Variants in CELSR3 observed in about 807,000 individuals in gnomAD.
CELSR3 encodes cadherin EGF LAG seven-pass G-type receptor 3, also known as EGF-like protein 1.
CELSR3 carries 73 observed loss-of-function variants against 270.0 expected under a neutral mutation model. The ratio of observed to expected loss-of-function variants is 0.27; its 90% confidence interval spans 0.22 to 0.33. CELSR3 has a LOEUF of 0.33. Among genes scored for constraint, CELSR3 ranks in the 10% least tolerant of loss-of-function variants. The pLI is 1.00. For missense variants in CELSR3, 3,614 were observed against 4,533.8 expected (o/e 0.80, Z 5.83); for synonymous variants, 1,780 against 1,905.4 (o/e 0.93, Z 1.71).
chr3:48,642,294 GAAGAA>G lies in CELSR3; in HGVS notation c.8665+59_8665+63del. On this transcript the variant is annotated intron_variant, in intron 31 of 34. Transcript: ENST00000164024. This position sits in a 1 kb window ranked among gnomAD's most constrained non-coding sequence, Gnocchi z 6.1. ...CAGCCACTGCTCCCAGTATGGGGTA[GAAGAA>G]AAGGGGATGGGGAGAGATCCTCTGC... 1 of 1,533,494 alleles carries G rather than the reference GAAGAA, an allele frequency of 6.5e-7. No homozygotes were observed. Among genetic ancestry groups the G allele is most frequent in the Non-Finnish European group, 8.9e-7 (1 of 1,127,878 alleles). The allele number at this position is 1,533,494 out of a possible 1,614,324, so 95.0% of individuals were successfully genotyped here.
At position 48,640,031 on chromosome 3, in the gene CELSR3, AG is replaced by A; in HGVS notation, c.9553del (p.Leu3185SerfsTer139). ...SPQRQLSRDP[L>X]LPSRPLDSLS... ...AGAGTCCAGCGGCCGGGATGGCAAG[AG>A]GGGGTCCCTTGAGAGTTGCCGCTGG... On this transcript the variant is annotated frameshift_variant, in exon 34 of 35. Coordinates refer to ENST00000164024, the MANE Select transcript of CELSR3 (RefSeq NM_001407.3). LOFTEE classifies it high-confidence loss of function. The surrounding 1 kb of genome is among the most constrained non-coding windows in gnomAD (Gnocchi z 7.5). 6.2e-7 allele frequency: 1 copy of A among 1,611,412 alleles called. No homozygotes were observed. Among genetic ancestry groups the A allele is most frequent in the Non-Finnish European group, 8.5e-7 (1 of 1,179,766 alleles).
At position 48,651,285 on chromosome 3, in the gene CELSR3, C is replaced by T. The variant is rs1394337600; in HGVS notation, c.6186+74G>A. 3 of 1,590,098 alleles carry T rather than the reference C, an allele frequency of 1.9e-6. No individual in the cohort carries two copies. The highest frequency in any genetic ancestry group is 1.3e-5 in the African/African-American group (1 of 74,770). On this transcript the variant is annotated intron_variant, in intron 14 of 34. Transcript: ENST00000164024. The surrounding 1 kb of genome is among the most constrained non-coding windows in gnomAD (Gnocchi z 7.4). ...AGAGGTTAGGGCCCAAGTCAGGTGG[C>T]GGAGGTCAGCAAGCTGGACAGGAAT... is the stretch of plus-strand genomic sequence containing the variant.
rs2106701833 is a variant in CELSR3 at position 48,644,434 on chromosome 3, A to G, written c.8086-139T>C. 2.6e-6 allele frequency: 2 copies of G among 759,418 alleles called. No individual in the cohort carries two copies. Among genetic ancestry groups the G allele is most frequent in the Non-Finnish European group, 4.4e-6 (2 of 453,048 alleles). 47.0% of individuals were successfully genotyped at this position (759,418 alleles called of 1,614,324 possible). On this transcript the variant is annotated intron_variant, in intron 26 of 34. Coordinates refer to ENST00000164024, the MANE Select transcript of CELSR3 (RefSeq NM_001407.3). This position sits in a 1 kb window ranked among gnomAD's most constrained non-coding sequence, Gnocchi z 4.8. ...AAATTCACACATATACACACACACC[A>G]AAGGAGCTTAGCATCACAGAAAAAG...
intron 19 of CELSR3, 39 bp downstream of exon 19, chr3:48,648,227 C>T (rs73078348): frequency 0.02 from 31,157 of 1,544,924 alleles, 748 homozygotes; most frequent in Non-Finnish European, 0.022. Context: ...CTTTCATGGC[C>T]CCCCTGCTGT....
At position 48,658,809 on chromosome 3, in the gene CELSR3, G is replaced by A. The variant is rs1401216043; in HGVS notation, c.3748+78C>T. The A allele has an allele frequency of 1.2e-5, 19 of 1,538,082 alleles. No homozygotes were observed. The highest frequency in any genetic ancestry group is 1.5e-5 in the Non-Finnish European group (17 of 1,133,566). On this transcript the variant is annotated intron_variant, in intron 1 of 34. Coordinates refer to ENST00000164024, the MANE Select transcript of CELSR3 (RefSeq NM_001407.3). The surrounding 1 kb of genome is among the most constrained non-coding windows in gnomAD (Gnocchi z 4.7). Reference sequence around the variant, plus strand: ...TGGAAGGCTTAGAAATCCCTCTTTGGTTTGAGGTGCCCTGTGGAGTCCCTG... The same window carrying A: ...TGGAAGGCTTAGAAATCCCTCTTTGATTTGAGGTGCCCTGTGGAGTCCCTG...
Position 48,660,180 on chromosome 3 carries a change from G to T in CELSR3, c.2455C>A (p.Leu819Met). Residue 819 changes from leucine to methionine, a missense_variant, in exon 1 of 35, where the codon CTG becomes ATG. Leu to Met is a conservative substitution (Grantham distance 15, BLOSUM62 2). Around this residue, in one of 7 missense-constraint regions of CELSR3, gnomAD observed 215 missense variants for 241.2 expected, o/e 0.89. Coordinates refer to ENST00000164024, the MANE Select transcript of CELSR3 (RefSeq NM_001407.3). The surrounding 1 kb of genome is among the most constrained non-coding windows in gnomAD (Gnocchi z 5.5). ...GVGLVTLALPLDYKQERYFKL... is the reference protein window; with the variant it reads ...GVGLVTLALPMDYKQERYFKL... Reference sequence around the variant, plus strand: ...AAGTAGCGTTCCTGCTTGTAGTCCAGTGGCAGAGCCAGAGTCACCAGACCC... The same window carrying T: ...AAGTAGCGTTCCTGCTTGTAGTCCATTGGCAGAGCCAGAGTCACCAGACCC... 1.2e-6 allele frequency: 2 copies of T among 1,614,094 alleles called. No homozygotes were observed. The highest frequency in any genetic ancestry group is 1.7e-6 in the Non-Finnish European group (2 of 1,180,028).
Position 48,654,358 on chromosome 3 carries a change from G to T in CELSR3, c.5083C>A (p.Arg1695=), listed in dbSNP as rs867726772. ...VSHKDFIGCM[R]DLHIDGRRVD... Reference sequence around the variant, plus strand: ...CGGCGGCCATCAATGTGCAGGTCCCGCATACAGCCGATGAAGTCCTTATGG... The same window carrying T: ...CGGCGGCCATCAATGTGCAGGTCCCTCATACAGCCGATGAAGTCCTTATGG... Residue 1695 remains arginine (R), a synonymous_variant, in exon 7 of 35, where the codon CGG becomes AGG. Transcript: ENST00000164024. This position sits in a 1 kb window ranked among gnomAD's most constrained non-coding sequence, Gnocchi z 5.4. The T allele has an allele frequency of 6.2e-7, 1 of 1,614,006 alleles. No individual in the cohort carries two copies. Among genetic ancestry groups the T allele is most frequent in the East Asian group, 2.2e-5 (1 of 44,882 alleles).
Position 48,655,500 on chromosome 3 carries a change from A to G in CELSR3, c.4742-106T>C, listed in dbSNP as rs1381546832. 1 of 1,168,420 alleles carries G rather than the reference A, an allele frequency of 8.6e-7. No homozygotes were observed. Among genetic ancestry groups the G allele is most frequent in the African/African-American group, 1.5e-5 (1 of 66,262 alleles). 72.4% of individuals were successfully genotyped at this position (1,168,420 alleles called of 1,614,324 possible). The stretch of plus-strand genomic sequence containing the variant: ...AGGGCCACCCTGGATGCATCAGATC[A>G]GTCCCCCCACTGGTGACCACAATGG... On this transcript the variant is annotated intron_variant, in intron 4 of 34. Coordinates refer to ENST00000164024, the MANE Select transcript of CELSR3 (RefSeq NM_001407.3). The surrounding 1 kb of genome is among the most constrained non-coding windows in gnomAD (Gnocchi z 5.8).
chr3:48,661,593 C>A lies in CELSR3; in HGVS notation c.1042G>T (p.Val348Phe). The change falls in exon 1 of 35, where the codon GTT (valine) becomes TTT (phenylalanine). Residue 348 changes from valine to phenylalanine, a missense_variant. Physicochemically the swap from Val to Phe is conservative, Grantham distance 50. This residue lies in a region of CELSR3 where 354 missense variants were observed against 500.9 expected (regional missense o/e 0.71). Coordinates refer to ENST00000164024, the MANE Select transcript of CELSR3 (RefSeq NM_001407.3). ...EAAGTAVLRV[V>F]AQDPDAGEAG... ...TCGCCGGCGTCCGGGTCCTGAGCAA[C>A]CACGCGTAGCACCGCGGTGCCTGCT... 6.2e-7 allele frequency: 1 copy of A among 1,609,890 alleles called. No homozygotes were observed. Among genetic ancestry groups the A allele is most frequent in the East Asian group, 2.2e-5 (1 of 44,850 alleles).
Position 48,654,871 on chromosome 3 carries a change from G to T in CELSR3, c.4988+173C>A, listed in dbSNP as rs1315849286. On this transcript the variant is annotated intron_variant, in intron 6 of 34. Coordinates refer to ENST00000164024, the MANE Select transcript of CELSR3 (RefSeq NM_001407.3). This position sits in a 1 kb window ranked among gnomAD's most constrained non-coding sequence, Gnocchi z 5.4. ...GGAGGGAGTATGGGGTGGAATACAG[G>T]ATTGGGGGCTAGGGTGAGTAGGCTT... 1.3e-5 allele frequency among the ~76,000 whole-genome samples: 2 copies of T among 151,744 alleles called. No individual in the cohort carries two copies. Among genetic ancestry groups the T allele is most frequent in the African/African-American group, 4.9e-5 (2 of 41,232 alleles).
At position 48,654,539 on chromosome 3, in the gene CELSR3, C is replaced by A. The variant is rs911994384; in HGVS notation, c.4989-87G>T. On this transcript the variant is annotated intron_variant, in intron 6 of 34. Transcript: ENST00000164024. The surrounding 1 kb of genome is among the most constrained non-coding windows in gnomAD (Gnocchi z 5.4). ...GGCCACAGGAAGCAGGGGGGTAGGA[C>A]CCAGAGGGTAGGGTGATTGAGGGAG... 1.7e-6 allele frequency: 2 copies of A among 1,158,864 alleles called. No homozygotes were observed. The highest frequency in any genetic ancestry group is 2.6e-5 in the Admixed American group (1 of 38,584). 71.8% of individuals were successfully genotyped at this position (1,158,864 alleles called of 1,614,324 possible).
Position 48,660,151 on chromosome 3 carries a change from C to A in CELSR3, c.2484G>T (p.Lys828Asn), listed in dbSNP as rs1242986762. The change falls in exon 1 of 35, where the codon AAG (lysine) becomes AAT (asparagine). Residue 828 changes from lysine to asparagine, a missense_variant. Coordinates refer to ENST00000164024, the MANE Select transcript of CELSR3 (RefSeq NM_001407.3). This position sits in a 1 kb window ranked among gnomAD's most constrained non-coding sequence, Gnocchi z 5.5. ...CACGGTCAGATGCAGTTAGTACCAG[C>A]TTGAAGTAGCGTTCCTGCTTGTAGT... is the stretch of plus-strand genomic sequence containing the variant. ...PLDYKQERYF[K>N]LVLTASDRAL... The A allele has an allele frequency of 3.1e-6, 5 of 1,614,166 alleles. No homozygotes were observed. Among genetic ancestry groups the A allele is most frequent in the Non-Finnish European group, 8.5e-7 (1 of 1,180,022 alleles).
rs1188289151 is a variant in CELSR3 at position 48,644,890 on chromosome 3, A to G, written c.7973-62T>C. The G allele has an allele frequency of 2.0e-6, 3 of 1,536,554 alleles. No homozygotes were observed. The highest frequency in any genetic ancestry group is 2.7e-6 in the Non-Finnish European group (3 of 1,116,910). On this transcript the variant is annotated intron_variant, in intron 25 of 34. Coordinates refer to ENST00000164024, the MANE Select transcript of CELSR3 (RefSeq NM_001407.3). This position sits in a 1 kb window ranked among gnomAD's most constrained non-coding sequence, Gnocchi z 4.8. ...TCCAGAGCTGCTGACCAGCCCATGT[A>G]TGGGAGAAAGCATGGGTGAGGGCAG... is the stretch of plus-strand genomic sequence containing the variant.
rs1009674115 is a variant in CELSR3, at chr3:48,650,114, A to G, written c.6472+366T>C. 6.6e-6 allele frequency among the ~76,000 whole-genome samples: 1 copy of G among 151,586 alleles called. No individual in the cohort carries two copies. Among genetic ancestry groups the G allele is most frequent in the East Asian group, 2.0e-4 (1 of 5,126 alleles). ...GGAGGGGTCTCTGAGGATCTCAGGC[A>G]TCAGAGAAGGGCCCCTGGGGTACTC... On this transcript the variant is annotated intron_variant, in intron 16 of 34. Transcript: ENST00000164024. The surrounding 1 kb of genome is among the most constrained non-coding windows in gnomAD (Gnocchi z 5.1).
intron 3 of CELSR3, 25 bp downstream of exon 3, chr3:48,656,115 G>A (rs1195423536): frequency 1.3e-6 from 2 of 1,529,162 alleles, no homozygotes. Context: ...GCGGGGAGGC[G>A]CTCAGACACG....
rs369735159 is a variant in CELSR3, at chr3:48,662,515, C to T, written c.120G>A (p.Gln40=). The change falls in exon 1 of 35, where the codon CAG becomes CAA. Residue 40 remains glutamine (Q), a synonymous_variant. Transcript: ENST00000164024. The surrounding 1 kb of genome is among the most constrained non-coding windows in gnomAD (Gnocchi z 7.1). The stretch of plus-strand genomic sequence containing the variant: ...TGGCAGCTAAGCCTGGGTCCCAGCC[C>T]TGGTGCCCACCGCCCCCCAGCTCCT... ...SQEELGGGGH[Q]GWDPGLAATT... 9 of 1,610,088 alleles carry T rather than the reference C, an allele frequency of 5.6e-6. No homozygotes were observed. The highest frequency in any genetic ancestry group is 4.0e-5 in the African/African-American group (3 of 74,844).
intron 2 of CELSR3, 109 bp from the exon 3 acceptor site, chr3:48,656,474 G>T: frequency 8.6e-7 from 1 of 1,167,148 alleles, no homozygotes; most frequent in Non-Finnish European, 1.1e-6. Flanking sequence ...CCGAAAGGTC[G>T]CCCTCTTCGG....
rs550478309 is a variant in CELSR3, at chr3:48,662,155, T to G, written c.480A>C (p.Ser160=). The G allele has an allele frequency of 6.2e-7, 1 of 1,612,832 alleles. No homozygotes were observed. Among genetic ancestry groups the G allele is most frequent in the South Asian group, 1.1e-5 (1 of 90,986 alleles). ...AGCTGTTCCCCGAGCCCGGGACCCC[T>G]GAGGACAGAGCCCCTGGTGACAGAC... ...RGSLSPGALS[S]GVPGSGNSSP... The change falls in exon 1 of 35, where the codon TCA becomes TCC. Residue 160 remains serine (S), a synonymous_variant. Transcript: ENST00000164024. This position sits in a 1 kb window ranked among gnomAD's most constrained non-coding sequence, Gnocchi z 7.1.
chr3:48,654,271 T>G lies in CELSR3; in HGVS notation c.5152+18A>C, dbSNP rs1445893098. On this transcript the variant is annotated intron_variant, in intron 7 of 34. Coordinates refer to ENST00000164024, the MANE Select transcript of CELSR3 (RefSeq NM_001407.3). This position sits in a 1 kb window ranked among gnomAD's most constrained non-coding sequence, Gnocchi z 5.4. ...GGGACAGGGCCATGGGCTAGGCTGGTGGAAGCTTCAGGCCTACCTGCCATG... is the reference window on the plus strand; with the variant it reads ...GGGACAGGGCCATGGGCTAGGCTGGGGGAAGCTTCAGGCCTACCTGCCATG... The G allele has an allele frequency of 1.2e-6, 2 of 1,613,188 alleles. No homozygotes were observed. Among genetic ancestry groups the G allele is most frequent in the Non-Finnish European group, 1.7e-6 (2 of 1,179,944 alleles).
Sources: gnomAD v4.1 joint callset for allele counts (sites outside exome capture counted in the v4.1 genomes callset) on GRCh38, gnomAD v4.1.1 for gene constraint, gnomAD v4.1.1 regional missense constraint, Gnocchi (gnomAD v3.1) non-coding constraint, MANE v1.5 for transcripts, NCBI Gene and HGNC (gene_info 2026-07-23, HGNC 2026-07-21) for gene names.